ALK: variants seen among roughly 807,000 people sequenced by gnomAD.
ALK encodes the protein ALK tyrosine kinase receptor.
A neutral mutation model predicts 163.1 loss-of-function variants in ALK; 74 were observed. The observed-to-expected ratio is 0.45, with a 90% CI of 0.38 to 0.55. The LOEUF is 0.55. Ranked by LOEUF, ALK falls within the 20% of genes least tolerant of loss-of-function variation. The pLI, the probability that ALK is intolerant of heterozygous loss-of-function variation, is 0.00. For missense variants in ALK, 2,063 were observed against 2,105.3 expected, an observed-to-expected ratio of 0.98 and a Z score of 0.39; for synonymous variants, 960 against 843.2, an observed-to-expected ratio of 1.14 and a Z score of -2.40.
intron 1 of ALK, among the ~76,000 whole-genome samples, chr2:29,915,047 C>T (rs1217835510): frequency 1.3e-5 from 2 of 152,126 alleles, no homozygotes; most frequent in Admixed American, 1.3e-4. Context: ...TTCCAAATAA[C>T]CATAACAGGA....
At chr2:29,786,936 T>C (rs910428843) in intron 1 of ALK, among the ~76,000 whole-genome samples, 22 of 152,222 alleles carry the variant, frequency 1.4e-4, no homozygotes, top group East Asian at 1.9e-4. Context: ...GCTGGGACTA[T>C]AGGCAACCAC....
intron 1 of ALK, among the ~76,000 whole-genome samples, chr2:29,800,507 C>T (rs4395214): frequency 0.68 from 103,463 of 152,022 alleles, 35,436 homozygotes; most frequent in South Asian, 0.85. Flanking sequence ...GGAATCTTGG[C>T]AGAAGTGGCT....
intron 3 of ALK, among the ~76,000 whole-genome samples, chr2:29,569,494 G>C (rs376930671): frequency 9.9e-5 from 15 of 152,088 alleles, no homozygotes; most frequent in African/African-American, 3.6e-4. Context: ...ATAATGAATG[G>C]GAAAGTACCT....
intron 4 of ALK, among the ~76,000 whole-genome samples, chr2:29,466,497 T>C (rs1671218005): frequency 6.6e-6 from 1 of 152,254 alleles, no homozygotes; most frequent in South Asian, 2.1e-4. Flanking sequence ...AATGTCATTA[T>C]GTTTTTTAAT....
At chr2:29,602,019 T>A (rs1282485581) in intron 3 of ALK, among the ~76,000 whole-genome samples, 3 of 152,144 alleles carry the variant, frequency 2.0e-5, no homozygotes, top group Non-Finnish European at 4.4e-5. Flanking sequence ...AAGGGTTGGA[T>A]GCAGATTTAC....
At chr2:29,570,152 T>A (rs766836577) in intron 3 of ALK, among the ~76,000 whole-genome samples, 12 of 152,208 alleles carry the variant, frequency 7.9e-5, no homozygotes, top group Non-Finnish European at 1.3e-4. Context: ...TTAGACTCTC[T>A]AGGGCATGCT....
chr2:29,315,033 T>G (rs1015297238), intron 8 of ALK, among the ~76,000 whole-genome samples: 1 of 151,932 alleles, frequency 6.6e-6, no homozygotes, highest in Non-Finnish European at 1.5e-5. Flanking sequence ...CTCAGAAAAA[T>G]AAAAATAAAA....
intron 9 of ALK, among the ~76,000 whole-genome samples, chr2:29,285,569 C>T (rs1317984858): frequency 7.7e-5 from 11 of 142,078 alleles, no homozygotes; most frequent in Non-Finnish European, 1.7e-4. Flanking sequence ...CTCAGTGGCT[C>T]TTTTTTTTTT....
At chr2:29,590,744 G>A (rs1675026058) in intron 3 of ALK, among the ~76,000 whole-genome samples, 1 of 151,998 alleles carries the variant, frequency 6.6e-6, no homozygotes, top group African/African-American at 2.4e-5. Flanking sequence ...TGCTATATTT[G>A]GAGTTGAGCC....
At chr2:29,515,068 T>A (rs986436531) in intron 4 of ALK, among the ~76,000 whole-genome samples, 6 of 152,174 alleles carry the variant, frequency 3.9e-5, no homozygotes, top group African/African-American at 1.2e-4. Context: ...GATGCATGTT[T>A]TCCCTGATTT....
intron 1 of ALK, among the ~76,000 whole-genome samples, chr2:29,759,436 TGTGCGTGC>T (rs534308581): frequency 1.3e-5 from 2 of 152,160 alleles, no homozygotes; most frequent in Non-Finnish European, 2.9e-5. Context: ...TGTGTGCATG[TGTGCGTGC>T]GTGCGTGTGT....
intron 28 of ALK, among the ~76,000 whole-genome samples, chr2:29,194,610 G>A (rs1015178921): frequency 6.6e-6 from 1 of 151,872 alleles, no homozygotes. Flanking sequence ...AGCCATTCTC[G>A]TGCCTCAGCC....
chr2:29,464,806 G>A (rs1159534157), intron 4 of ALK, among the ~76,000 whole-genome samples: 2 of 152,166 alleles, frequency 1.3e-5, no homozygotes, highest in South Asian at 2.1e-4. Context: ...CCCCAACAAA[G>A]TATTAACTAG....
intron 4 of ALK, among the ~76,000 whole-genome samples, chr2:29,466,912 G>A (rs1471827364): frequency 2.0e-5 from 3 of 152,200 alleles, no homozygotes; most frequent in Non-Finnish European, 2.9e-5. Flanking sequence ...TAAGCCATTT[G>A]TTGATGGGTT....
chr2:29,548,836 G>A (rs2148173091), intron 3 of ALK, among the ~76,000 whole-genome samples: 1 of 152,274 alleles, frequency 6.6e-6, no homozygotes, highest in Non-Finnish European at 1.5e-5. Context: ...TGGGGGGGAT[G>A]TTTTTCCTTT....
chr2:29,537,892 T>G (rs150335567), intron 3 of ALK, among the ~76,000 whole-genome samples: 38 of 152,376 alleles, frequency 2.5e-4, no homozygotes, highest in Non-Finnish European at 5.1e-4. Context: ...AAGATTATTT[T>G]GAAGCTTTAA....
chr2:29,664,265 G>C (rs1228347568), intron 3 of ALK, among the ~76,000 whole-genome samples: 1 of 152,126 alleles, frequency 6.6e-6, no homozygotes, highest in East Asian at 1.9e-4. Flanking sequence ...TTTTTCATGG[G>C]ATTATGAAAA....
chr2:29,435,639 A>G (rs1670378338), intron 4 of ALK, among the ~76,000 whole-genome samples: 1 of 152,038 alleles, frequency 6.6e-6, no homozygotes, highest in Admixed American at 6.5e-5. Flanking sequence ...TAAAAAAAAA[A>G]AAAGCTAGAG....
intron 3 of ALK, among the ~76,000 whole-genome samples, chr2:29,625,638 C>CA (rs1676171405): frequency 1.3e-5 from 2 of 152,350 alleles, no homozygotes; most frequent in South Asian, 2.1e-4. Flanking sequence ...CAGCATCATA[C>CA]AATGTTCTTA....
Sources: gnomAD v4.1 joint callset for allele counts (sites outside exome capture counted in the v4.1 genomes callset) on GRCh38, gnomAD v4.1.1 for gene constraint, MANE v1.5 for transcripts, NCBI Gene and HGNC (gene_info 2026-07-23, HGNC 2026-07-21) for gene names.